AKAP6: variants seen among roughly 807,000 people sequenced by gnomAD.
The protein encoded by AKAP6 is A-kinase anchoring protein 6.
In AKAP6, 58 loss-of-function variants were observed where a neutral mutation model predicts 188.5. The ratio of observed to expected loss-of-function variants is 0.31; its 90% confidence interval spans 0.25 to 0.38. The LOEUF is 0.38. Among genes scored for constraint, AKAP6 ranks in the 10% least tolerant of loss-of-function variants. The probability of loss-of-function intolerance (pLI) is 1.00; values close to 1 mark genes in which losing one functional copy is unlikely to be tolerated. For synonymous variants in AKAP6, 989 were observed against 998.6 expected (o/e 0.99, Z 0.18); for missense variants, 2,710 against 2,740.0 (o/e 0.99, Z 0.24).
At chr14:32,601,941 G>A (rs554707647) in intron 7 of AKAP6, among the ~76,000 whole-genome samples, 2 of 152,266 alleles carry the variant, frequency 1.3e-5, no homozygotes, top group South Asian at 2.1e-4. Context: ...GGAAACAGAG[G>A]ATAGAATGAT....
At chr14:32,389,934 A>G (rs1236469144) in intron 1 of AKAP6, among the ~76,000 whole-genome samples, 1 of 152,082 alleles carries the variant, frequency 6.6e-6, no homozygotes, top group Non-Finnish European at 1.5e-5. Context: ...ATTCCCCCAG[A>G]TATGTTTTCC....
intron 7 of AKAP6, among the ~76,000 whole-genome samples, chr14:32,615,453 CTGT>C (rs1338216199): frequency 6.7e-6 from 1 of 149,366 alleles, no homozygotes; most frequent in Non-Finnish European, 1.5e-5. Flanking sequence ...CTGAAATTTT[CTGT>C]TATTAGGGAC....
chr14:32,805,536 T>C (rs1164285718), intron 12 of AKAP6, among the ~76,000 whole-genome samples: 1 of 152,192 alleles, frequency 6.6e-6, no homozygotes, highest in Non-Finnish European at 1.5e-5. Flanking sequence ...CTGTGTGTTA[T>C]GACTTGAAAA....
intron 9 of AKAP6, among the ~76,000 whole-genome samples, chr14:32,716,242 G>A (rs1206688370): frequency 6.6e-6 from 1 of 151,724 alleles, no homozygotes; most frequent in Non-Finnish European, 1.5e-5. Flanking sequence ...ACTCATGAGC[G>A]ATTAAATGGT....
chr14:32,666,351 A>G (rs1364195585), intron 7 of AKAP6, among the ~76,000 whole-genome samples: 2 of 151,866 alleles, frequency 1.3e-5, no homozygotes, highest in Non-Finnish European at 2.9e-5. Flanking sequence ...TTTTTATGGC[A>G]TGTTACTGCA....
intron 12 of AKAP6, among the ~76,000 whole-genome samples, chr14:32,808,682 T>C (rs766132017): frequency 2.0e-5 from 3 of 151,996 alleles, no homozygotes; most frequent in Non-Finnish European, 2.9e-5. Context: ...AATTCTTCCG[T>C]TTTTTTTCTT....
At chr14:32,480,438 TA>T (rs1003946923) in intron 2 of AKAP6, among the ~76,000 whole-genome samples, 9 of 152,182 alleles carry the variant, frequency 5.9e-5, no homozygotes, top group Non-Finnish European at 1.2e-4. Context: ...ACTTTCTTCT[TA>T]AAAAGTTGTG....
intron 1 of AKAP6, among the ~76,000 whole-genome samples, chr14:32,393,942 TGAAAA>T (rs894659296): frequency 1.3e-5 from 2 of 152,046 alleles, no homozygotes; most frequent in African/African-American, 2.4e-5. Flanking sequence ...TGGAAAGAAA[TGAAAA>T]GAAATCACAC....
intron 7 of AKAP6, among the ~76,000 whole-genome samples, chr14:32,605,319 AT>A (rs1886087246): frequency 1.3e-5 from 2 of 152,136 alleles, no homozygotes; most frequent in African/African-American, 4.8e-5. Context: ...GGTAGACAGG[AT>A]TTTTGCCAAG....
chr14:32,650,063 A>G (rs1381327162), intron 7 of AKAP6, among the ~76,000 whole-genome samples: 1 of 152,134 alleles, frequency 6.6e-6, no homozygotes, highest in East Asian at 1.9e-4. Flanking sequence ...TTTTTATTTT[A>G]ATTTTGTATA....
chr14:32,401,829 A>G (rs1889100865), intron 1 of AKAP6, among the ~76,000 whole-genome samples: 1 of 152,234 alleles, frequency 6.6e-6, no homozygotes, highest in South Asian at 2.1e-4. Flanking sequence ...AAAGAATTGT[A>G]GCAGGAATCA....
chr14:32,809,662 A>T (rs947063862), intron 12 of AKAP6, among the ~76,000 whole-genome samples: 8 of 152,200 alleles, frequency 5.3e-5, no homozygotes, highest in African/African-American at 2.4e-5. Flanking sequence ...TAGTGGCTTT[A>T]CTAAATAACG....
At chr14:32,805,984 T>A (rs551157532) in intron 12 of AKAP6, among the ~76,000 whole-genome samples, 7 of 152,362 alleles carry the variant, frequency 4.6e-5, no homozygotes, top group African/African-American at 1.7e-4. Flanking sequence ...ATTCTTCCTA[T>A]AGCCTTAGTA....
intron 2 of AKAP6, among the ~76,000 whole-genome samples, chr14:32,450,857 G>A (rs1319586526): frequency 1.3e-5 from 2 of 152,058 alleles, no homozygotes; most frequent in African/African-American, 4.8e-5. Context: ...TACAATTTGG[G>A]CCAATTTGGT....
chr14:32,661,078 T>C (rs994293201), intron 7 of AKAP6, among the ~76,000 whole-genome samples: 10 of 151,516 alleles, frequency 6.6e-5, no homozygotes, highest in African/African-American at 2.4e-4. Flanking sequence ...TTGGGAAATG[T>C]AGAGAAATAG....
At chr14:32,797,586 CAT>C (rs1049358019) in intron 12 of AKAP6, among the ~76,000 whole-genome samples, 23 of 151,982 alleles carry the variant, frequency 1.5e-4, no homozygotes, top group African/African-American at 5.6e-4. Context: ...CACATAGACA[CAT>C]GTGGGTGAAA....
At chr14:32,354,128 C>G (rs1044947091) in intron 1 of AKAP6, among the ~76,000 whole-genome samples, 2 of 151,708 alleles carry the variant, frequency 1.3e-5, no homozygotes, top group African/African-American at 4.8e-5. Context: ...CATATGGAAC[C>G]AAAAAAGAGC....
At chr14:32,683,889 C>T (rs191610608) in intron 8 of AKAP6, among the ~76,000 whole-genome samples, 309 of 152,234 alleles carry the variant, frequency 2.0e-3, no homozygotes, top group African/African-American at 7.2e-3. Context: ...TGAGCTAAGA[C>T]AACAGCAATA....
chr14:32,599,244 T>C (rs1427045499), intron 5 of AKAP6, among the ~76,000 whole-genome samples, 166 bp from the exon 6 acceptor site: 2 of 152,304 alleles, frequency 1.3e-5, no homozygotes, highest in Admixed American at 1.3e-4. Context: ...TGGAAACATT[T>C]TGAGCCCAGA....
Sources: allele counts gnomAD v4.1 joint callset (sites outside exome capture counted in the v4.1 genomes callset), GRCh38; gene constraint gnomAD v4.1.1; transcripts MANE v1.5; gene names NCBI Gene and HGNC (gene_info 2026-07-23, HGNC 2026-07-21).